Variants in TRPM3 observed in about 807,000 individuals in gnomAD.
TRPM3 encodes long transient receptor potential channel 3.
In TRPM3, 77 loss-of-function variants were observed where a neutral mutation model predicts 181.2. The observed-to-expected ratio is 0.42, with a 90% CI of 0.35 to 0.51. TRPM3 has a LOEUF of 0.51. Among genes scored for constraint, TRPM3 ranks in the 20% least tolerant of loss-of-function variants. The pLI is 0.01. For missense variants in TRPM3, 1,759 were observed against 2,196.7 expected (o/e 0.80, Z 3.98); for synonymous variants, 745 against 796.4 (o/e 0.94, Z 1.09).
chr9:71,420,991 G>GAGAGAAAAAGAGAGAA (rs2093758771), intron 1 of TRPM3, among the ~76,000 whole-genome samples: 1 of 127,304 alleles, frequency 7.9e-6, no homozygotes, highest in African/African-American at 2.9e-5. Context: ...GAGAAAAAGA[G>GAGAGAAAAAGAGAGAA]AGAGAAAAAG....
At chr9:71,356,330 C>T (rs948012865) in intron 1 of TRPM3, among the ~76,000 whole-genome samples, 2 of 152,018 alleles carry the variant, frequency 1.3e-5, no homozygotes, top group Admixed American at 6.6e-5. Context: ...ATTCTTTCCA[C>T]CCCCCAATAG....
chr9:71,415,155 G>A (rs150810614), intron 1 of TRPM3, among the ~76,000 whole-genome samples: 2,580 of 152,016 alleles, frequency 0.017, 31 homozygotes, highest in Middle Eastern at 0.061. Context: ...GGAGTGATGC[G>A]GCTACAAGCC....
chr9:71,186,644 A>G (rs867303983), intron 1 of TRPM3, among the ~76,000 whole-genome samples: 1 of 152,130 alleles, frequency 6.6e-6, no homozygotes, highest in Admixed American at 6.6e-5. Context: ...GAAGTTTGTT[A>G]GGATTTTATG....
At chr9:71,421,241 T>C (rs1321269776) in intron 1 of TRPM3, among the ~76,000 whole-genome samples, 1 of 151,672 alleles carries the variant, frequency 6.6e-6, no homozygotes, top group African/African-American at 2.4e-5. Flanking sequence ...GGGTGTGGGT[T>C]TAAAAACTAT....
chr9:71,038,924 C>G (rs1411743745), intron 1 of TRPM3, among the ~76,000 whole-genome samples: 2 of 152,164 alleles, frequency 1.3e-5, no homozygotes, highest in African/African-American at 2.4e-5. Flanking sequence ...AGAGGCAGAA[C>G]TGACCCACGA....
intron 19 of TRPM3, among the ~76,000 whole-genome samples, chr9:70,606,610 T>TTGACA (rs938014298): frequency 6.7e-6 from 1 of 150,276 alleles, no homozygotes; most frequent in African/African-American, 2.5e-5. Context: ...GTAGATTATC[T>TTGACA]TGACATGACA....
intron 22 of TRPM3, among the ~76,000 whole-genome samples, chr9:70,558,817 G>A (rs2048359720): frequency 6.6e-6 from 1 of 152,188 alleles, no homozygotes; most frequent in African/African-American, 2.4e-5. Context: ...CAAATTAGAA[G>A]GGATCAAACA....
chr9:71,168,507 TTTC>T (rs2076646226), intron 1 of TRPM3, among the ~76,000 whole-genome samples: 1 of 130,876 alleles, frequency 7.6e-6, no homozygotes, highest in African/African-American at 2.8e-5. Context: ...CCCTGACATT[TTTC>T]TTTTTTTTTT....
chr9:71,145,336 T>C (rs1425584291), intron 1 of TRPM3, among the ~76,000 whole-genome samples: 3 of 152,216 alleles, frequency 2.0e-5, no homozygotes, highest in African/African-American at 4.8e-5. Context: ...AGAGTGAATG[T>C]GGGCATTCAG....
At chr9:70,932,415 TG>T (rs2096784601) in intron 1 of TRPM3, among the ~76,000 whole-genome samples, 1 of 152,072 alleles carries the variant, frequency 6.6e-6, no homozygotes, top group African/African-American at 2.4e-5. Context: ...AATACAATAA[TG>T]AACAAAAACA....
intron 1 of TRPM3, among the ~76,000 whole-genome samples, chr9:71,340,523 C>T (rs2090889657): frequency 6.6e-6 from 1 of 152,078 alleles, no homozygotes; most frequent in Non-Finnish European, 1.5e-5. Context: ...GAGAGTTTCC[C>T]TGCACAAGCT....
Position 70,686,872 on chromosome 9 carries a change from CT to C in TRPM3, c.1273-5295del, listed in dbSNP as rs559984726. 4.8e-3 allele frequency among the ~76,000 whole-genome samples: 656 copies of C among 135,530 alleles called. 2 individuals carry two copies. The highest frequency in any genetic ancestry group is 0.011 in the Admixed American group (135 of 12,622). The allele number at this position is 135,530 out of a possible 152,430, so 88.9% of individuals were successfully genotyped here. On this transcript the variant is annotated intron_variant, in intron 8 of 25. Transcript: ENST00000677713. ...ACAGGGTCTCACTCTGTCTCCCAGG[CT>C]GGAGTGCATGATCTTGGCTCACTGC...
intron 22 of TRPM3, among the ~76,000 whole-genome samples, chr9:70,583,297 G>A (rs781531989): frequency 3.9e-5 from 6 of 152,202 alleles, no homozygotes; most frequent in Non-Finnish European, 7.3e-5. Flanking sequence ...GAGAGTGAAC[G>A]CTACACTTCA....
chr9:71,095,394 AT>A, intron 1 of TRPM3, among the ~76,000 whole-genome samples: 1 of 151,830 alleles, frequency 6.6e-6, no homozygotes, highest in Non-Finnish European at 1.5e-5. Context: ...GAGATCCTCT[AT>A]TTAAGATCTT....
intron 1 of TRPM3, among the ~76,000 whole-genome samples, chr9:71,136,302 A>G (rs550196817): frequency 6.6e-6 from 1 of 152,186 alleles, no homozygotes; most frequent in Non-Finnish European, 1.5e-5. Context: ...GGAAGGACTG[A>G]GTGACACATG....
At chr9:71,291,195 C>T (rs1450331699) in intron 1 of TRPM3, among the ~76,000 whole-genome samples, 2 of 152,090 alleles carry the variant, frequency 1.3e-5, no homozygotes, top group South Asian at 4.1e-4. Flanking sequence ...AAACTGAAAT[C>T]TTAAAATACA....
intron 1 of TRPM3, 23 bp from the exon 2 acceptor site, chr9:70,864,534 A>AAG: frequency 6.8e-7 from 1 of 1,465,696 alleles, no homozygotes; most frequent in South Asian, 1.5e-5. Context: ...ACAAAAAAAA[A>AAG]AAAAAAAGAA....
intron 8 of TRPM3, among the ~76,000 whole-genome samples, chr9:70,690,387 G>C (rs1043496696): frequency 6.6e-6 from 1 of 151,898 alleles, no homozygotes; most frequent in Non-Finnish European, 1.5e-5. Context: ...GTACATCTTC[G>C]GCTTTCATAA....
chr9:70,689,191 A>C (rs958979424), intron 8 of TRPM3, among the ~76,000 whole-genome samples: 5 of 152,176 alleles, frequency 3.3e-5, no homozygotes, highest in Non-Finnish European at 7.4e-5. Context: ...GTCAAGCATT[A>C]TGGGATAGAA....
Sources: allele counts gnomAD v4.1 joint callset (sites outside exome capture counted in the v4.1 genomes callset), GRCh38; gene constraint gnomAD v4.1.1; transcripts MANE v1.5; gene names NCBI Gene and HGNC (gene_info 2026-07-23, HGNC 2026-07-21).